Variants in GRK5 observed in about 807,000 individuals in gnomAD.
GRK5 encodes G protein-coupled receptor kinase 5.
A neutral mutation model predicts 78.4 loss-of-function variants in GRK5; 40 were observed. The ratio of observed to expected loss-of-function variants is 0.51; its 90% CI spans 0.40 to 0.66. The LOEUF is 0.66. Among genes scored for constraint, GRK5 ranks in the 30% least tolerant of loss-of-function variants. The probability of loss-of-function intolerance (pLI) is 0.00; values close to 1 mark genes in which losing one functional copy is unlikely to be tolerated. For missense variants in GRK5, 598 were observed against 759.9 expected (o/e 0.79, Z 2.50); for synonymous variants, 289 against 296.8 (o/e 0.97, Z 0.27).
chr10:119,277,852 C>T (rs1211670328), intron 1 of GRK5, among the ~76,000 whole-genome samples: 1 of 152,188 alleles, frequency 6.6e-6, no homozygotes. Flanking sequence ...AGCAAGTACC[C>T]TTTCTCATGT....
chr10:119,322,538 C>T (rs546655081), intron 1 of GRK5, among the ~76,000 whole-genome samples: 23 of 152,336 alleles, frequency 1.5e-4, no homozygotes, highest in South Asian at 2.1e-4. Context: ...ATGTGCTCAA[C>T]ACATATTGGT....
intron 13 of GRK5, among the ~76,000 whole-genome samples, chr10:119,449,649 C>T (rs1853234746): frequency 6.6e-6 from 1 of 152,060 alleles, no homozygotes; most frequent in African/African-American, 2.4e-5. Flanking sequence ...ATTAACCAGG[C>T]TTGGGGGCAC....
At chr10:119,247,453 A>G (rs570543473) in intron 1 of GRK5, among the ~76,000 whole-genome samples, 7 of 152,350 alleles carry the variant, frequency 4.6e-5, no homozygotes, top group African/African-American at 1.7e-4. Context: ...TAGTCAGGAA[A>G]GCTATGCCTG....
chr10:119,264,052 G>T lies in GRK5; in HGVS notation c.52+56083G>T, dbSNP rs1466858355. Among the ~76,000 whole-genome samples the T allele has an allele frequency of 6.6e-6, 1 of 152,220 alleles. No individual in the cohort carries two copies. The highest frequency in any genetic ancestry group is 1.5e-5 in the Non-Finnish European group (1 of 68,040). On this transcript the variant is annotated intron_variant, in intron 1 of 15. Transcript: ENST00000392870. This position sits in a 1 kb window ranked among gnomAD's most constrained non-coding sequence, Gnocchi z 4.1. ...GAAGACAGATGGCAGGCAGGAGGCA[G>T]ATTGGAGAGAGGTTCTCAGCATGAC...
At chr10:119,341,371 C>G (rs998043809) in intron 2 of GRK5, among the ~76,000 whole-genome samples, 6 of 152,238 alleles carry the variant, frequency 3.9e-5, no homozygotes, top group African/African-American at 1.2e-4. Context: ...TTGCTGACTG[C>G]TTCAGCTTCA....
At position 119,452,706 on chromosome 10, in the gene GRK5, C is replaced by T. The variant is rs200359403; in HGVS notation, c.1440C>T (p.Ile480=). 16 of 1,614,030 alleles carry T rather than the reference C, an allele frequency of 9.9e-6. No homozygotes were observed. Among genetic ancestry groups the T allele is most frequent in the South Asian group, 4.4e-5 (4 of 91,086 alleles). The change falls in exon 14 of 16, where the codon ATC becomes ATT. Residue 480 remains isoleucine (I), a synonymous_variant. Transcript: ENST00000392870. This position sits in a 1 kb window ranked among gnomAD's most constrained non-coding sequence, Gnocchi z 4.4. ...RAVYCKDVLD[I]EQFSTVKGVN... ...TGTACTGTAAGGACGTGCTGGACAT[C>T]GAGCAGTTCTCCACTGTGAAGGGCG...
intron 2 of GRK5, among the ~76,000 whole-genome samples, chr10:119,338,585 T>A (rs556259159): frequency 6.6e-6 from 1 of 152,330 alleles, no homozygotes; most frequent in Admixed American, 6.5e-5. Context: ...GCATATTTAG[T>A]GAGTGTCAGG....
chr10:119,395,501 C>T (rs899440352), intron 3 of GRK5, among the ~76,000 whole-genome samples: 1 of 152,164 alleles, frequency 6.6e-6, no homozygotes, highest in Non-Finnish European at 1.5e-5. Flanking sequence ...TTTCCTTCCT[C>T]TTTTGAAATA....
Position 119,458,367 on chromosome 10 carries a change from G to C in GRK5, c.*3300G>C, listed in dbSNP as rs1056803520. On this transcript the variant is annotated 3_prime_UTR_variant, in exon 16 of 16. Coordinates refer to ENST00000392870, the MANE Select transcript of GRK5 (RefSeq NM_005308.3). ...CCACCCAAAATAGCAAGAAGACCCG[G>C]TCCCCGCCTTGCGGACGATGCACTC... 2 of 152,276 alleles carry C rather than the reference G, an allele frequency of 1.3e-5. No individual in the cohort carries two copies. The highest frequency in any genetic ancestry group is 4.8e-5 in the African/African-American group (2 of 41,438). The allele number at this position is 152,276 out of a possible 1,614,324, so 9.4% of individuals were successfully genotyped here.
chr10:119,346,546 C>T (rs78765909), intron 2 of GRK5, among the ~76,000 whole-genome samples: 10,331 of 152,280 alleles, frequency 0.068, 539 homozygotes, highest in East Asian at 0.23. Flanking sequence ...TGCCTCAGGC[C>T]TGTTCCTGGA....
intron 1 of GRK5, among the ~76,000 whole-genome samples, chr10:119,244,088 G>C (rs1377361228): frequency 6.6e-6 from 1 of 152,198 alleles, no homozygotes; most frequent in Non-Finnish European, 1.5e-5. Flanking sequence ...GAGCCATATG[G>C]CTTCTGTTGC....
At chr10:119,291,954 C>CT (rs1849975889) in intron 1 of GRK5, among the ~76,000 whole-genome samples, 2 of 104,244 alleles carry the variant, frequency 1.9e-5, no homozygotes, top group Admixed American at 9.6e-5. Context: ...TTTCCTCCTT[C>CT]TCCTCCTCTT....
At chr10:119,345,169 C>T (rs987185643) in intron 2 of GRK5, among the ~76,000 whole-genome samples, 5 of 152,004 alleles carry the variant, frequency 3.3e-5, no homozygotes, top group East Asian at 1.9e-4. Flanking sequence ...GGGATTTCAC[C>T]GTGTTAGCCA....
Position 119,378,426 on chromosome 10 carries a change from G to A in GRK5, c.149-2389G>A, listed in dbSNP as rs1210981315. On this transcript the variant is annotated intron_variant, in intron 2 of 15. Coordinates refer to ENST00000392870, the MANE Select transcript of GRK5 (RefSeq NM_005308.3). The surrounding 1 kb of genome is among the most constrained non-coding windows in gnomAD (Gnocchi z 4.5). ...TGCTGATCCAAATACTCACTCGGGA[G>A]AGAATGAAACGTTTTAGAGTGCCTT... is the stretch of plus-strand genomic sequence containing the variant. 2.0e-5 allele frequency among the ~76,000 whole-genome samples: 3 copies of A among 152,228 alleles called. No individual in the cohort carries two copies.
At chr10:119,221,379 G>T (rs942306646) in intron 1 of GRK5, among the ~76,000 whole-genome samples, 2 of 152,200 alleles carry the variant, frequency 1.3e-5, no homozygotes, top group Non-Finnish European at 2.9e-5. Flanking sequence ...ACAATATGCT[G>T]CAGAGCCTTT....
At chr10:119,294,653 G>T (rs1279072521) in intron 1 of GRK5, among the ~76,000 whole-genome samples, 1 of 152,218 alleles carries the variant, frequency 6.6e-6, no homozygotes, top group Non-Finnish European at 1.5e-5. Context: ...GGAGGAGGGA[G>T]GCAGGGGGAG....
chr10:119,348,910 C>T (rs772611928), intron 2 of GRK5, among the ~76,000 whole-genome samples: 7 of 152,126 alleles, frequency 4.6e-5, no homozygotes, highest in South Asian at 2.1e-4. Context: ...ACGACAGGGC[C>T]GCTCTGCTCA....
intron 6 of GRK5, among the ~76,000 whole-genome samples, chr10:119,428,414 C>T (rs995110173): frequency 6.6e-6 from 1 of 152,264 alleles, no homozygotes; most frequent in African/African-American, 2.4e-5. Context: ...CAGAGGGGGG[C>T]ATGCCCTTTA....
In GRK5 at chr10:119,379,615, C is replaced by G. The variant is rs972730353; in HGVS notation, c.149-1200C>G. On this transcript the variant is annotated intron_variant, in intron 2 of 15. Coordinates refer to ENST00000392870, the MANE Select transcript of GRK5 (RefSeq NM_005308.3). The surrounding 1 kb of genome is among the most constrained non-coding windows in gnomAD (Gnocchi z 4.1). ...CCTTCCCAGGCTCTATCGCCCTCTT[C>G]CCTGTTTCCCACGAACTCATCCGAC... Among the ~76,000 whole-genome samples the G allele has an allele frequency of 9.2e-5, 14 of 152,294 alleles. No individual in the cohort carries two copies. Among genetic ancestry groups the G allele is most frequent in the African/African-American group, 3.4e-4 (14 of 41,564 alleles).
Sources: allele counts gnomAD v4.1 joint callset (sites outside exome capture counted in the v4.1 genomes callset), GRCh38; gene constraint gnomAD v4.1.1; non-coding constraint Gnocchi (gnomAD v3.1); transcripts MANE v1.5; gene names NCBI Gene and HGNC (gene_info 2026-07-23, HGNC 2026-07-21).